DCTN1: variants seen among roughly 807,000 people sequenced by gnomAD.
DCTN1 encodes 150 kDa dynein-associated polypeptide.
In DCTN1, 61 loss-of-function variants were observed where a neutral mutation model predicts 161.2. The observed-to-expected ratio is 0.38, with a 90% CI of 0.31 to 0.47. The LOEUF is 0.47. Among genes scored for constraint, DCTN1 ranks in the 20% least tolerant of loss-of-function variants. The pLI is 0.99. For synonymous variants in DCTN1, 653 were observed against 632.4 expected (o/e 1.03, Z -0.49); for missense variants, 1,404 against 1,623.7 (o/e 0.86, Z 2.33).
chr2:74,387,895 C>G (rs944354260), intron 1 of DCTN1, among the ~76,000 whole-genome samples: 2 of 152,202 alleles, frequency 1.3e-5, no homozygotes, highest in Non-Finnish European at 2.9e-5. Flanking sequence ...CCATTAACAA[C>G]CTGGCCTTGA....
intron 5 of DCTN1, chr2:74,374,598 G>C: frequency 7.8e-7 from 1 of 1,275,024 alleles, no homozygotes; most frequent in Non-Finnish European, 1.0e-6. Flanking sequence ...CAGCTGGATC[G>C]CCAGGCTCCG....
At chr2:74,385,894 T>C (rs1014282219) in intron 1 of DCTN1, 1 of 152,210 alleles carries the variant, frequency 6.6e-6, no homozygotes, top group African/African-American at 2.4e-5. Flanking sequence ...TGTTATTATA[T>C]AAGGTTTTAG....
At position 74,363,722 on chromosome 2, in the gene DCTN1, C is replaced by T; in HGVS notation, c.3197-94G>A. The T allele has an allele frequency of 5.9e-6, 9 of 1,517,628 alleles. No homozygotes were observed. The South Asian group carries it at 9.3e-5, about 16-fold the overall frequency. 94.0% of individuals were successfully genotyped at this position (1,517,628 alleles called of 1,614,324 possible). A position where few individuals can be genotyped will look rare whatever the true frequency, so the allele number is the denominator to read the frequency against. ...GGGGACACACCAGAGGAATCCTGGA[C>T]ACAACCTGCAGGAAAACCCTTTTCC... On this transcript the variant is annotated intron_variant, in intron 26 of 31. Coordinates refer to ENST00000628224, the MANE Select transcript of DCTN1 (RefSeq NM_004082.5).
chr2:74,374,556 GC>G lies in DCTN1; in HGVS notation c.415-217del, dbSNP rs1675107343. On this transcript the variant is annotated intron_variant, in intron 5 of 31. Transcript: ENST00000628224. Reference sequence around the variant, plus strand: ...GCAGCTTCCCAGCCTGCAAACGGCCGCCGCTCTGACACAGAGGCCCCCGCAG... The same window carrying G: ...GCAGCTTCCCAGCCTGCAAACGGCCGCGCTCTGACACAGAGGCCCCCGCAG... 2.2e-6 allele frequency: 3 copies of G among 1,362,926 alleles called. No homozygotes were observed. In the African/African-American group the frequency reaches 4.4e-5, roughly 20 times the overall value. 84.4% of individuals were successfully genotyped at this position (1,362,926 alleles called of 1,614,324 possible).
Position 74,367,114 on chromosome 2 carries a change from G to A in DCTN1, c.2254-7C>T. ...CCAGAGCACTCTGCGTGAACTGTGA[G>A]GATAGAAGCATGCAATCATCAGCCC... On this transcript the variant is annotated splice_region_variant and splice_polypyrimidine_tract_variant and intron_variant, in intron 19 of 31. Coordinates refer to ENST00000628224, the MANE Select transcript of DCTN1 (RefSeq NM_004082.5). The A allele has an allele frequency of 1.2e-6, 2 of 1,614,104 alleles. No homozygotes were observed. Among genetic ancestry groups the A allele is most frequent in the Non-Finnish European group, 1.7e-6 (2 of 1,180,016 alleles).
At chr2:74,385,138 C>T (rs1029592612), upstream of DCTN1, 1 of 152,232 alleles carries the variant, frequency 6.6e-6, no homozygotes, top group Non-Finnish European at 1.5e-5. Flanking sequence ...CCTAAAAAAA[C>T]GTCTACAAAC....
At chr2:74,391,816 C>G in exon 1 of DCTN1, 2 of 453,938 alleles carry the variant, frequency 4.4e-6, no homozygotes, top group South Asian at 3.1e-5. Flanking sequence ...GGGCTCCGCG[C>G]CCAGCTCCGA....
rs957715407 is a variant in DCTN1, at chr2:74,379,916, T to G, written c.33+89A>C. 2.9e-6 allele frequency: 4 copies of G among 1,380,256 alleles called. No individual in the cohort carries two copies. The African/African-American group carries it at 5.7e-5, about 20-fold the overall frequency. The allele number at this position is 1,380,256 out of a possible 1,614,324, so 85.5% of individuals were successfully genotyped here. ...GTGCCCTCAGCTGAGCTCCAGCCTA[T>G]CTCCCCAGCCCCCACAGCAATGATG... On this transcript the variant is annotated intron_variant, in intron 1 of 31. Coordinates refer to ENST00000628224, the MANE Select transcript of DCTN1 (RefSeq NM_004082.5).
At chr2:74,366,164 G>A (rs948832837) in intron 23 of DCTN1, 80 bp downstream of exon 23, 42 of 1,611,048 alleles carry the variant, frequency 2.6e-5, no homozygotes, top group Middle Eastern at 3.3e-4. Flanking sequence ...CTGTCTCCCC[G>A]TCCTCCCACA....
In DCTN1 at chr2:74,364,855, T is replaced by C. The variant is rs192755292; in HGVS notation, c.3196+220A>G. ...CTGTCATCATTATTCTGAGCCTCAT[T>C]AACAATTTAGTAATGCCCTCCTTTG... On this transcript the variant is annotated intron_variant, in intron 26 of 31. Coordinates refer to ENST00000628224, the MANE Select transcript of DCTN1 (RefSeq NM_004082.5). The C allele has an allele frequency of 8.9e-4, 539 of 605,276 alleles. 1 individual carries two copies. Among genetic ancestry groups the C allele is most frequent in the African/African-American group, 6.6e-3 (357 of 54,264 alleles). The allele number at this position is 605,276 out of a possible 1,614,324, so 37.5% of individuals were successfully genotyped here. A position where few individuals can be genotyped will look rare whatever the true frequency, so the allele number is the denominator to read the frequency against.
At chr2:74,371,390 A>T (rs1199412126) in intron 8 of DCTN1, 147 bp downstream of exon 8, 7 of 1,251,182 alleles carry the variant, frequency 5.6e-6, no homozygotes, top group Non-Finnish European at 7.8e-6. Context: ...TGGCTCAGTC[A>T]GTAGCAAGAT....
At chr2:74,365,739 G>C (rs1573149468) in intron 24 of DCTN1, 82 bp from the exon 25 acceptor site, 2 of 1,611,926 alleles carry the variant, frequency 1.2e-6, no homozygotes, top group East Asian at 4.5e-5. Context: ...GAGATAGTAG[G>C]TTCCCTGAGG....
At chr2:74,375,703 G>A (rs1444678858) in intron 5 of DCTN1, among the ~76,000 whole-genome samples, 1 of 152,190 alleles carries the variant, frequency 6.6e-6, no homozygotes, top group East Asian at 1.9e-4. Context: ...AAGTTTCTAT[G>A]ACTCTGAAAT....
rs756140233 is a variant in DCTN1 at position 74,366,664 on chromosome 2, CCA to C, written c.2467-46_2467-45del. ...TCAGGAGTCAACCCTGGGTTCAGCA[CCA>C]CAGTTTCCAGCTACCCCAAAACCAT... On this transcript the variant is annotated intron_variant, in intron 21 of 31. Coordinates refer to ENST00000628224, the MANE Select transcript of DCTN1 (RefSeq NM_004082.5). 7 of 1,613,590 alleles carry C rather than the reference CCA, an allele frequency of 4.3e-6. No individual in the cohort carries two copies. The Admixed American group carries it at 5.0e-5, about 12-fold the overall frequency.
chr2:74,363,008 G>C lies in DCTN1; in HGVS notation c.3515C>G (p.Thr1172Ser). The change falls in exon 29 of 32, where the codon ACT becomes AGT. Residue 1172 changes from threonine to serine, a missense_variant. Coordinates refer to ENST00000628224, the MANE Select transcript of DCTN1 (RefSeq NM_004082.5). Reference sequence around the variant, plus strand: ...CAGGTACATACCAGGGCTGGTGCGAGTGATGTCTACTACGTGCGTGTGTGT... The same window carrying C: ...CAGGTACATACCAGGGCTGGTGCGACTGATGTCTACTACGTGCGTGTGTGT... Reference protein sequence around the residue: ...LSTHTHVVDITRTSPAAKSPS... With the variant: ...LSTHTHVVDISRTSPAAKSPS... The C allele has an allele frequency of 6.2e-7, 1 of 1,613,468 alleles. No homozygotes were observed. Among genetic ancestry groups the C allele is most frequent in the Non-Finnish European group, 8.5e-7 (1 of 1,179,730 alleles).
At chr2:74,380,763 T>TA (rs1675478577), upstream of DCTN1, among the ~76,000 whole-genome samples, 1 of 152,226 alleles carries the variant, frequency 6.6e-6, no homozygotes, top group African/African-American at 2.4e-5. Flanking sequence ...AGAAGGGCAG[T>TA]AATGAAGGCA....
chr2:74,364,652 G>A (rs1573146359), intron 26 of DCTN1: 5 of 301,962 alleles, frequency 1.7e-5, no homozygotes, highest in South Asian at 3.3e-5. Flanking sequence ...GAAGCCACAT[G>A]AACTCAGTGA....
At chr2:74,377,585 G>A in intron 3 of DCTN1, 63 bp downstream of exon 3, 1 of 1,530,824 alleles carries the variant, frequency 6.5e-7, no homozygotes, top group Middle Eastern at 1.7e-4. Flanking sequence ...CCCATGTTAT[G>A]AGGAGAAGTC....
Position 74,375,588 on chromosome 2 carries a change from C to A in DCTN1, c.414+1154G>T, listed in dbSNP as rs554437056. Among the ~76,000 whole-genome samples, 59 of 152,256 alleles carry A rather than the reference C, an allele frequency of 3.9e-4. 1 individual carries two copies. In the South Asian group the frequency reaches 0.012, roughly 32 times the overall value. ...AGCCCAGGGTCAGACCAGGCTGGGG[C>A]CAGAACTCCATAAATATCAGACCAT... On this transcript the variant is annotated intron_variant, in intron 5 of 31. Transcript: ENST00000628224.
Sources: allele counts gnomAD v4.1 joint callset (sites outside exome capture counted in the v4.1 genomes callset), GRCh38; gene constraint gnomAD v4.1.1; transcripts MANE v1.5; gene names NCBI Gene and HGNC (gene_info 2026-07-23, HGNC 2026-07-21).